The following DNAJA4 variants were observed in gnomAD, a reference collection of about 807,000 sequenced individuals.
DNAJA4 encodes the protein dnaJ homolog subfamily A member 4.
In DNAJA4, 32 loss-of-function variants were observed where a neutral mutation model predicts 39.7. The observed-to-expected ratio is 0.81, with a 90% CI of 0.61 to 1.08. The LOEUF (loss-of-function observed/expected upper bound fraction) is 1.08. DNAJA4 is among the 50% of genes least tolerant of loss of function. DNAJA4 has a pLI of 0.00. For missense variants in DNAJA4, 439 were observed against 505.1 expected, an observed-to-expected ratio of 0.87 and a Z score of 1.25; for synonymous variants, 184 against 182.4, an observed-to-expected ratio of 1.01 and a Z score of -0.07.
chr15:78,270,721 C>A (rs1210028571), intron 2 of DNAJA4, 44 bp downstream of exon 2: 1 of 1,582,848 alleles, frequency 6.3e-7, no homozygotes, highest in Non-Finnish European at 8.6e-7. Flanking sequence ...ATGGTTTCCA[C>A]AATTATACGT....
chr15:78,273,305 A>G lies in DNAJA4; in HGVS notation c.418+106A>G, dbSNP rs74570957. 1.2e-3 allele frequency: 914 copies of G among 733,196 alleles called. 12 individuals are homozygous for G. The East Asian group carries it at 0.022, about 18-fold the overall frequency. The allele number at this position is 733,196 out of a possible 1,614,324, so 45.4% of individuals were successfully genotyped here. On this transcript the variant is annotated intron_variant, in intron 3 of 6. Transcript: ENST00000394852. ...AATAAGTTATCTTTTTTCAAATGCA[A>G]GGGTCAAGCAGAGATTACAAACAGG...
intron 1 of DNAJA4, 137 bp from the exon 2 acceptor site, chr15:78,270,360 G>C (rs1431357436): frequency 5.9e-6 from 5 of 851,848 alleles, no homozygotes; most frequent in Non-Finnish European, 9.0e-6. Flanking sequence ...CAGATTCCAG[G>C]TAGAGGATGT....
intron 1 of DNAJA4, among the ~76,000 whole-genome samples, chr15:78,267,472 T>TG (rs962179058): frequency 1.3e-5 from 2 of 151,644 alleles, no homozygotes; most frequent in South Asian, 2.1e-4. Flanking sequence ...GGTGTTTTTT[T>TG]TTTGTTTTTT....
Position 78,274,325 on chromosome 15 carries a change from G to T in DNAJA4, c.547G>T (p.Gly183Cys). 6.2e-7 allele frequency: 1 copy of T among 1,614,184 alleles called. No individual in the cohort carries two copies. Reference protein sequence around the residue: ...QIQTVCIECKGQGERINPKDR... With the variant: ...QIQTVCIECKCQGERINPKDR... ...CCAGACCGTGTGCATCGAGTGCAAG[G>T]GCCAGGGTGAGCGCATCAACCCCAA... Residue 183 changes from glycine to cysteine, a missense_variant, in exon 4 of 7, where the codon GGC (glycine) becomes TGC (cysteine). Gly to Cys is a radical substitution (Grantham distance 159). Transcript: ENST00000394852.
chr15:78,264,636 C>CGGT lies in DNAJA4; in HGVS notation c.-126_-125insTGG. 2.0e-6 allele frequency: 2 copies of CGGT among 1,016,318 alleles called. No individual in the cohort carries two copies. The highest frequency in any genetic ancestry group is 1.8e-5 in the African/African-American group (1 of 57,082). The allele number at this position is 1,016,318 out of a possible 1,614,324, so 63.0% of individuals were successfully genotyped here. On this transcript the variant is annotated 5_prime_UTR_variant, in exon 1 of 7. Transcript: ENST00000394852. ...GGGCGGGAGCTACAAGCGGCGGCGG[C>CGGT]GGCGGCGACCGTGACCGTGACGCGC...
chr15:78,271,942 T>C (rs945147376), intron 2 of DNAJA4, among the ~76,000 whole-genome samples: 1 of 152,140 alleles, frequency 6.6e-6, no homozygotes, highest in African/African-American at 2.4e-5. Flanking sequence ...GTAATTGACT[T>C]TGAGCTTGAA....
At chr15:78,270,253 T>C in intron 1 of DNAJA4, 1 of 388,364 alleles carries the variant, frequency 2.6e-6, no homozygotes, top group East Asian at 4.3e-5. Context: ...CTCTACTGGC[T>C]TCTCTCCCTT....
rs148187382 is a variant in DNAJA4, at chr15:78,272,198, G to A, written c.314-897G>A. 4.3e-3 allele frequency among the ~76,000 whole-genome samples: 650 copies of A among 152,178 alleles called. 6 individuals are homozygous for A. The highest frequency in any genetic ancestry group is 0.014 in the African/African-American group (595 of 41,516). ...AAAAAATACAAAAACTTAGGTGGGC[G>A]CGGTGGCAGGCGCCTGTAGTCCCAG... On this transcript the variant is annotated intron_variant, in intron 2 of 6. Transcript: ENST00000394852.
chr15:78,264,945 A>T, intron 1 of DNAJA4, 50 bp downstream of exon 1: 1 of 1,509,204 alleles, frequency 6.6e-7, no homozygotes, highest in Non-Finnish European at 8.9e-7. Flanking sequence ...GCCAAGGGTT[A>T]TTAAGCCAGG....
At position 78,280,400 on chromosome 15, in the gene DNAJA4, G is replaced by T. The variant is rs1173126817; in HGVS notation, c.1134G>T (p.Arg378Ser). 2 of 1,613,924 alleles carry T rather than the reference G, an allele frequency of 1.2e-6. No individual in the cohort carries two copies. The highest frequency in any genetic ancestry group is 1.7e-6 in the Non-Finnish European group (2 of 1,180,030). The change falls in exon 7 of 7, where the codon AGG (arginine) becomes AGT (serine). Residue 378 changes from arginine (R) to serine (S), a missense_variant. Physicochemically the swap from Arg to Ser is moderately radical, Grantham distance 110. Transcript: ENST00000394852. Reference sequence around the variant, plus strand: ...ATGAGCAGAACTGGCGTCAGCACAGGGAGGCCTACGAGGAGGACGAAGACG... The same window carrying T: ...ATGAGCAGAACTGGCGTCAGCACAGTGAGGCCTACGAGGAGGACGAAGACG... ...CPNEQNWRQHREAYEEDEDGP... is the reference protein window; with the variant it reads ...CPNEQNWRQHSEAYEEDEDGP...
chr15:78,272,382 C>G (rs757605309), intron 2 of DNAJA4, among the ~76,000 whole-genome samples: 1 of 152,206 alleles, frequency 6.6e-6, no homozygotes, highest in Admixed American at 6.5e-5. Context: ...TCTTGTCCAG[C>G]TCCCTCACTG....
upstream of DNAJA4, chr15:78,264,528 G>A (rs1174812948): frequency 1.6e-6 from 2 of 1,229,968 alleles, no homozygotes; most frequent in Admixed American, 4.3e-5. Context: ...CGCCGGCGCC[G>A]AATAAAACCC....
intron 2 of DNAJA4, among the ~76,000 whole-genome samples, chr15:78,271,545 T>G (rs1416923516): frequency 6.6e-6 from 1 of 152,246 alleles, no homozygotes; most frequent in Non-Finnish European, 1.5e-5. Context: ...ATAAATGACC[T>G]GCCTTTCTTT....
intron 2 of DNAJA4, among the ~76,000 whole-genome samples, chr15:78,272,504 G>A (rs561398830): frequency 1.3e-5 from 2 of 152,234 alleles, no homozygotes; most frequent in Non-Finnish European, 2.9e-5. Flanking sequence ...GCAGCAGGGA[G>A]GGTCTTGATG....
At position 78,280,838 on chromosome 15, in the gene DNAJA4, C is replaced by T; in HGVS notation, c.*378C>T. On this transcript the variant is annotated 3_prime_UTR_variant, in exon 7 of 7. Transcript: ENST00000394852. Reference sequence around the variant, plus strand: ...TTAGCCCCCCTAGCAAACCCCAAGGCACAAAGTGGGCATCCTGACTCATCT... The same window carrying T: ...TTAGCCCCCCTAGCAAACCCCAAGGTACAAAGTGGGCATCCTGACTCATCT... 1 of 182,224 alleles carries T rather than the reference C, an allele frequency of 5.5e-6. No homozygotes were observed. The highest frequency in any genetic ancestry group is 1.2e-5 in the Non-Finnish European group (1 of 86,474). 11.3% of individuals were successfully genotyped at this position (182,224 alleles called of 1,614,324 possible). A position where few individuals can be genotyped will look rare whatever the true frequency, so the allele number is the denominator to read the frequency against.
At chr15:78,278,032 T>C (rs1191344522) in intron 5 of DNAJA4, 2 of 456,090 alleles carry the variant, frequency 4.4e-6, no homozygotes, top group Admixed American at 2.3e-5. Context: ...CTCTTCTTCC[T>C]CTTTTCTGCT....
At chr15:78,270,423 T>C (rs1333014219) in intron 1 of DNAJA4, 74 bp from the exon 2 acceptor site, 16 of 1,487,820 alleles carry the variant, frequency 1.1e-5, no homozygotes, top group Non-Finnish European at 1.0e-5. Context: ...TTACTTTGTA[T>C]GTTTATATGG....
intron 1 of DNAJA4, chr15:78,265,892 G>A: frequency 1.7e-6 from 1 of 594,162 alleles, no homozygotes; most frequent in Non-Finnish European, 3.0e-6. Context: ...AAACGACGCT[G>A]GAATCAAAAT....
rs747653844 is a variant in DNAJA4, at chr15:78,280,356, C to G, written c.1090C>G (p.Leu364Val). 6.2e-7 allele frequency: 1 copy of G among 1,614,102 alleles called. No individual in the cohort carries two copies. The highest frequency in any genetic ancestry group is 8.5e-7 in the Non-Finnish European group (1 of 1,180,052). ...RITDDMDQVE[L>V]KEFCPNEQNW... ...TACAGATGACATGGATCAGGTGGAG[C>G]TGAAGGAGTTTTGTCCCAATGAGCA... Residue 364 changes from leucine to valine, a missense_variant, in exon 7 of 7, where the codon CTG becomes GTG. Physicochemically the swap from Leu to Val is conservative, Grantham distance 32. Coordinates refer to ENST00000394852, the MANE Select transcript of DNAJA4 (RefSeq NM_001130182.2).
Sources: gnomAD v4.1 joint callset for allele counts (sites outside exome capture counted in the v4.1 genomes callset) on GRCh38, gnomAD v4.1.1 for gene constraint, MANE v1.5 for transcripts, NCBI Gene and HGNC (gene_info 2026-07-23, HGNC 2026-07-21) for gene names.